The following TTC39B variants were observed in gnomAD, a reference collection of about 807,000 sequenced individuals.
TTC39B encodes tetratricopeptide repeat protein 39B.
In TTC39B, 92 loss-of-function variants were observed where a neutral mutation model predicts 96.6. That is an observed-to-expected ratio of 0.95 (90% CI 0.80 to 1.13). The LOEUF (loss-of-function observed/expected upper bound fraction) is 1.13, where lower values mean the gene tolerates loss of function less well. TTC39B is among the 50% of genes most tolerant of loss of function. The pLI, the probability that TTC39B is intolerant of heterozygous loss-of-function variation, is 0.00. For missense variants in TTC39B, 955 were observed against 809.3 expected, an observed-to-expected ratio of 1.18 and a Z score of -2.18; for synonymous variants, 367 against 299.4, an observed-to-expected ratio of 1.23 and a Z score of -2.33.
At chr9:15,164,585 T>C (rs1206037790) in exon 20 of TTC39B, 2 of 152,212 alleles carry the variant, frequency 1.3e-5, no homozygotes, top group Non-Finnish European at 2.9e-5. Flanking sequence ...ATACTTCTCA[T>C]TTATTAAATA....
At chr9:15,190,381 G>A (rs1818786581) in intron 11 of TTC39B, among the ~76,000 whole-genome samples, 173 bp downstream of exon 11, 1 of 151,986 alleles carries the variant, frequency 6.6e-6, no homozygotes, top group African/African-American at 2.4e-5. Context: ...TCGCTCTGTG[G>A]CCCAGGCTGG....
At chr9:15,225,136 A>G (rs1428969155) in intron 3 of TTC39B, among the ~76,000 whole-genome samples, 1 of 152,218 alleles carries the variant, frequency 6.6e-6, no homozygotes, top group East Asian at 1.9e-4. Context: ...ATGATCTGGA[A>G]AGGAACAAAA....
chr9:15,186,953 G>A (rs764381134), exon 15 of TTC39B: 15 of 1,613,478 alleles, frequency 9.3e-6, no homozygotes, highest in Non-Finnish European at 1.2e-5. Flanking sequence ...CCTGAATAAA[G>A]TTACCACATT....
At chr9:15,291,933 C>T (rs1256467379) in intron 1 of TTC39B, among the ~76,000 whole-genome samples, 1 of 152,198 alleles carries the variant, frequency 6.6e-6, no homozygotes, top group Admixed American at 6.5e-5. Context: ...CTGTGAGCTT[C>T]AGTCTCCTGA....
At chr9:15,177,277 G>C (rs1817992194) in intron 18 of TTC39B, among the ~76,000 whole-genome samples, 1 of 151,998 alleles carries the variant, frequency 6.6e-6, no homozygotes, top group Non-Finnish European at 1.5e-5. Flanking sequence ...AGGCTGCAGT[G>C]AGCCATGATT....
intron 1 of TTC39B, among the ~76,000 whole-genome samples, chr9:15,283,109 C>T (rs1200045259): frequency 6.6e-6 from 1 of 152,230 alleles, no homozygotes; most frequent in South Asian, 2.1e-4. Flanking sequence ...CCAAGCGCCA[C>T]GCCTACCCAC....
intron 6 of TTC39B, among the ~76,000 whole-genome samples, chr9:15,209,279 G>A (rs1031013788): frequency 6.6e-6 from 1 of 152,086 alleles, no homozygotes; most frequent in Non-Finnish European, 1.5e-5. Context: ...TAGTCCCAGG[G>A]GGCACGTCAA....
chr9:15,280,382 C>G (rs1466777743), intron 1 of TTC39B, among the ~76,000 whole-genome samples: 1 of 152,196 alleles, frequency 6.6e-6, no homozygotes, highest in Non-Finnish European at 1.5e-5. Flanking sequence ...ATGAATGAAA[C>G]ATCAGGTTTC....
chr9:15,194,964 G>A (rs1419778064), intron 8 of TTC39B, among the ~76,000 whole-genome samples: 1 of 152,190 alleles, frequency 6.6e-6, no homozygotes, highest in Non-Finnish European at 1.5e-5. Context: ...CAGTGTTCAA[G>A]CGAAAGGAAG....
intron 2 of TTC39B, among the ~76,000 whole-genome samples, chr9:15,256,552 A>C (rs1822758234): frequency 6.6e-6 from 1 of 152,234 alleles, no homozygotes; most frequent in East Asian, 1.9e-4. Flanking sequence ...GAGCTCAAAA[A>C]AACAGATGAT....
intron 3 of TTC39B, among the ~76,000 whole-genome samples, chr9:15,217,240 G>A (rs533428455): frequency 6.6e-6 from 1 of 152,090 alleles, no homozygotes; most frequent in Non-Finnish European, 1.5e-5. Context: ...CGTTCCCTTC[G>A]AATATTAGGT....
chr9:15,246,688 G>A (rs1374748834), intron 2 of TTC39B, among the ~76,000 whole-genome samples: 1 of 152,238 alleles, frequency 6.6e-6, no homozygotes, highest in Non-Finnish European at 1.5e-5. Flanking sequence ...GGAAGCTCAA[G>A]CAACAACATG....
chr9:15,221,721 A>C (rs1439063154), intron 3 of TTC39B, among the ~76,000 whole-genome samples: 1 of 152,232 alleles, frequency 6.6e-6, no homozygotes. Context: ...ATTAACAGAA[A>C]GAGTTGGGTT....
intron 1 of TTC39B, among the ~76,000 whole-genome samples, chr9:15,281,838 G>A (rs796613308): frequency 1.4e-4 from 22 of 151,964 alleles, no homozygotes; most frequent in Admixed American, 3.3e-4. Flanking sequence ...CATGTAGTCC[G>A]GCTAATTTTT....
At chr9:15,269,395 G>T (rs1228805002) in intron 1 of TTC39B, among the ~76,000 whole-genome samples, 1 of 152,150 alleles carries the variant, frequency 6.6e-6, no homozygotes, top group Non-Finnish European at 1.5e-5. Context: ...AATGGAACCT[G>T]GACCGCCAAG....
chr9:15,211,325 C>T, exon 5 of TTC39B: 2 of 1,595,154 alleles, frequency 1.3e-6, no homozygotes, highest in Middle Eastern at 1.7e-4. Flanking sequence ...TGTCCTGTTG[C>T]TCGAAGGTCA....
chr9:15,179,712 T>C (rs564296477), intron 17 of TTC39B, among the ~76,000 whole-genome samples: 1 of 152,294 alleles, frequency 6.6e-6, no homozygotes, highest in Admixed American at 6.5e-5. Context: ...TTCTACTGAG[T>C]TTCCTGTAGC....
At chr9:15,305,052 A>T (rs1434406342) in intron 1 of TTC39B, among the ~76,000 whole-genome samples, 1 of 152,072 alleles carries the variant, frequency 6.6e-6, no homozygotes, top group Non-Finnish European at 1.5e-5. Context: ...AATACGTGAA[A>T]AGCTTCCTAG....
intron 16 of TTC39B, chr9:15,183,441 G>C (rs935889431): frequency 1.2e-5 from 4 of 343,172 alleles, no homozygotes; most frequent in South Asian, 8.3e-5. Context: ...TGAAAAACAG[G>C]CTTTTGGTAA....
Sources: gnomAD v4.1 joint callset for allele counts (sites outside exome capture counted in the v4.1 genomes callset) on GRCh38, gnomAD v4.1.1 for gene constraint, MANE v1.5 for transcripts, NCBI Gene and HGNC (gene_info 2026-07-23, HGNC 2026-07-21) for gene names.